The following GPATCH8 variants were observed in gnomAD, a reference collection of about 807,000 sequenced individuals.
The protein encoded by GPATCH8 is G patch domain-containing protein 8.
Under a neutral mutation model 118.3 loss-of-function variants are expected in GPATCH8, and 18 were observed. The ratio of observed to expected loss-of-function variants is 0.15; its 90% CI spans 0.11 to 0.23. GPATCH8 has a LOEUF of 0.23. GPATCH8 is among the 10% of genes least tolerant of loss of function. The probability of loss-of-function intolerance (pLI) is 1.00; values close to 1 mark genes in which losing one functional copy is unlikely to be tolerated. For synonymous variants in GPATCH8, 659 were observed against 684.7 expected, an observed-to-expected ratio of 0.96 and a Z score of 0.59; for missense variants, 1,631 against 1,873.8, an observed-to-expected ratio of 0.87 and a Z score of 2.39.
intron 1 of GPATCH8, among the ~76,000 whole-genome samples, chr17:44,488,238 T>G (rs1968949511): frequency 6.8e-6 from 1 of 147,816 alleles, no homozygotes; most frequent in African/African-American, 2.5e-5. Context: ...TTTTTTTTTT[T>G]TTTTTTAAGA....
At chr17:44,449,084 T>C (rs2051014996) in intron 3 of GPATCH8, among the ~76,000 whole-genome samples, 1 of 152,118 alleles carries the variant, frequency 6.6e-6, no homozygotes, top group South Asian at 2.1e-4. Flanking sequence ...GAGACTAGCC[T>C]GGCCAACATG....
In GPATCH8 at chr17:44,397,877, T is replaced by C. The variant is rs746213491; in HGVS notation, c.4200A>G (p.Gln1400=). The change falls in exon 8 of 8, where the codon CAA becomes CAG. Residue 1400 remains glutamine (Q), a synonymous_variant. Coordinates refer to ENST00000591680, the MANE Select transcript of GPATCH8 (RefSeq NM_001002909.4). The part of the protein sequence containing the change: ...AIGIHPHPHP[Q]PLAQVHHIPQ... ...GAATATGATGCACCTGGGCAAGTGG[T>C]TGGGGATGGGGGTGAGGGTGAATGC... The C allele has an allele frequency of 6.2e-6, 10 of 1,607,778 alleles. No homozygotes were observed. Among genetic ancestry groups the C allele is most frequent in the African/African-American group, 4.0e-5 (3 of 74,572 alleles).
chr17:44,497,256 C>A (rs1362745378), intron 1 of GPATCH8, among the ~76,000 whole-genome samples: 1 of 152,170 alleles, frequency 6.6e-6, no homozygotes, highest in Non-Finnish European at 1.5e-5. Flanking sequence ...GTTTCTGATT[C>A]ATAATTAAGA....
intron 2 of GPATCH8, among the ~76,000 whole-genome samples, chr17:44,469,334 C>T (rs981365697): frequency 6.6e-6 from 1 of 152,176 alleles, no homozygotes; most frequent in Non-Finnish European, 1.5e-5. Context: ...AAACTTTCTG[C>T]TCCATGAAGC....
chr17:44,418,325 C>G (rs1314200093), intron 6 of GPATCH8, among the ~76,000 whole-genome samples: 1 of 152,070 alleles, frequency 6.6e-6, no homozygotes, highest in Non-Finnish European at 1.5e-5. Context: ...TATCCATCAG[C>G]AGACAAATTT....
intron 5 of GPATCH8, among the ~76,000 whole-genome samples, chr17:44,427,923 C>A (rs377723981): frequency 6.6e-6 from 1 of 152,108 alleles, no homozygotes; most frequent in South Asian, 2.1e-4. Flanking sequence ...CTATATCCAT[C>A]CATCCATCCA....
At chr17:44,445,177 A>C (rs2050833414) in intron 3 of GPATCH8, among the ~76,000 whole-genome samples, 1 of 152,234 alleles carries the variant, frequency 6.6e-6, no homozygotes, top group Non-Finnish European at 1.5e-5. Flanking sequence ...AGGAGAAGGA[A>C]GCATCAAATG....
At chr17:44,467,580 A>G (rs569360645) in intron 2 of GPATCH8, among the ~76,000 whole-genome samples, 1 of 152,266 alleles carries the variant, frequency 6.6e-6, no homozygotes, top group African/African-American at 2.4e-5. Context: ...GAAACAATAG[A>G]CACATCTCCC....
chr17:44,497,819 A>T (rs555188423), intron 1 of GPATCH8, among the ~76,000 whole-genome samples: 18 of 152,028 alleles, frequency 1.2e-4, no homozygotes, highest in African/African-American at 3.6e-4. Flanking sequence ...ACATTCCTGT[A>T]GTCCCAGCTA....
chr17:44,406,742 G>C (rs2049247853), intron 6 of GPATCH8, among the ~76,000 whole-genome samples: 1 of 152,040 alleles, frequency 6.6e-6, no homozygotes, highest in Non-Finnish European at 1.5e-5. Context: ...AATATCCAGG[G>C]GATGAGGAGG....
intron 6 of GPATCH8, among the ~76,000 whole-genome samples, chr17:44,416,443 G>C (rs2049688134): frequency 6.6e-6 from 1 of 152,110 alleles, no homozygotes; most frequent in Non-Finnish European, 1.5e-5. Context: ...CTAAATTTTT[G>C]GAAGACTGGC....
At chr17:44,495,869 T>C (rs1158878429) in intron 1 of GPATCH8, among the ~76,000 whole-genome samples, 1 of 152,190 alleles carries the variant, frequency 6.6e-6, no homozygotes, top group African/African-American at 2.4e-5. Context: ...ATTTCTTTTT[T>C]TGTTTTGTTT....
intron 3 of GPATCH8, among the ~76,000 whole-genome samples, chr17:44,445,104 A>G: frequency 6.6e-6 from 1 of 152,234 alleles, no homozygotes; most frequent in Non-Finnish European, 1.5e-5. Context: ...TGAGTTTTAC[A>G]TTACTGGTCA....
rs141829275 is a variant in GPATCH8 at position 44,401,339 on chromosome 17, A to G, written c.738T>C (p.Ser246=). ...ATNSGTGATA[S]CGLGSEFSTD... is the part of the protein sequence containing the mutation. ...TGGAGAATTCAGATCCCAGGCCACAAGAAGCAGTGGCACCTGTGCCACTAT... is the reference window on the plus strand; with the variant it reads ...TGGAGAATTCAGATCCCAGGCCACAGGAAGCAGTGGCACCTGTGCCACTAT... The change falls in exon 8 of 8, where the codon TCT becomes TCC. Residue 246 remains serine (S), a synonymous_variant. Transcript: ENST00000591680. 2.0e-5 allele frequency: 33 copies of G among 1,610,714 alleles called. No homozygotes were observed. In the African/African-American group the frequency reaches 4.3e-4, roughly 21 times the overall value.
At chr17:44,468,537 G>GCCA (rs1020909065) in intron 2 of GPATCH8, among the ~76,000 whole-genome samples, 7 of 151,438 alleles carry the variant, frequency 4.6e-5, no homozygotes. Context: ...ACAGGTGTGA[G>GCCA]CCACCATGCC....
At chr17:44,471,238 A>G (rs1221743872) in intron 2 of GPATCH8, among the ~76,000 whole-genome samples, 1 of 152,236 alleles carries the variant, frequency 6.6e-6, no homozygotes, top group East Asian at 1.9e-4. Context: ...GGATTTTGAT[A>G]TATTTTCAAC....
chr17:44,498,739 CT>C (rs930065335), intron 1 of GPATCH8, among the ~76,000 whole-genome samples: 2 of 152,168 alleles, frequency 1.3e-5, no homozygotes, highest in African/African-American at 2.4e-5. Context: ...ATTTTCACAG[CT>C]TGTGGCATTT....
chr17:44,458,481 C>G (rs2144248667), intron 3 of GPATCH8, among the ~76,000 whole-genome samples: 1 of 152,194 alleles, frequency 6.6e-6, no homozygotes, highest in South Asian at 2.1e-4. Context: ...ATATTTTCCC[C>G]AGTCTGTTTG....
chr17:44,397,747 C>T lies in GPATCH8; in HGVS notation c.4330G>A (p.Ala1444Thr), dbSNP rs763076539. The T allele has an allele frequency of 8.2e-6, 13 of 1,590,094 alleles. No homozygotes were observed. Among genetic ancestry groups the T allele is most frequent in the Non-Finnish European group, 1.1e-5 (13 of 1,165,546 alleles). The part of the protein sequence containing the change: ...LASHPIHIIP[A>T]SAIHPGPFTF... ...AAGGGCCCAGGATGGATGGCTGAGG[C>T]GGGAATGATGTGGATGGGATGGCTA... is the stretch of plus-strand genomic sequence containing the variant. Residue 1444 changes from alanine (A) to threonine (T), a missense_variant, in exon 8 of 8, where the codon GCC becomes ACC. Physicochemically the swap from Ala to Thr is moderately conservative, Grantham distance 58. Around this residue, in one of 8 missense-constraint regions of GPATCH8, gnomAD observed 65 missense variants for 105.3 expected, o/e 0.62. Coordinates refer to ENST00000591680, the MANE Select transcript of GPATCH8 (RefSeq NM_001002909.4).
Sources: allele counts gnomAD v4.1 joint callset (sites outside exome capture counted in the v4.1 genomes callset), GRCh38; gene constraint gnomAD v4.1.1; regional missense constraint gnomAD v4.1.1; transcripts MANE v1.5; gene names NCBI Gene and HGNC (gene_info 2026-07-23, HGNC 2026-07-21).